MMP24: variants seen among roughly 807,000 people sequenced by gnomAD.
MMP24 encodes matrix metallopeptidase 24.
Under a neutral mutation model 62.8 loss-of-function variants are expected in MMP24, and 25 were observed. That is an observed-to-expected ratio of 0.40 (90% CI 0.29 to 0.56). MMP24 has a LOEUF of 0.56. MMP24 is among the 20% of genes least tolerant of loss of function. MMP24 has a pLI of 0.50. For synonymous variants in MMP24, 319 were observed against 350.5 expected (o/e 0.91, Z 1.00); for missense variants, 634 against 853.6 (o/e 0.74, Z 3.21).
chr20:35,230,201 G>T (rs2060431859), intron 1 of MMP24, among the ~76,000 whole-genome samples: 1 of 152,050 alleles, frequency 6.6e-6, no homozygotes, highest in African/African-American at 2.4e-5. Flanking sequence ...TATTGGCCAG[G>T]CTGGTCTCAA....
At chr20:35,251,817 G>A (rs920629658) in intron 2 of MMP24, 88 bp from the exon 3 acceptor site, 40 of 1,075,048 alleles carry the variant, frequency 3.7e-5, no homozygotes, top group African/African-American at 6.2e-5. Context: ...TTGCTTTCCA[G>A]ACTGGAGCTG....
rs1351442202 is a variant in MMP24, at chr20:35,269,030, A to G, written c.1195-730A>G. On this transcript the variant is annotated intron_variant, in intron 6 of 8. Transcript: ENST00000246186. The surrounding 1 kb of genome is among the most constrained non-coding windows in gnomAD (Gnocchi z 4.6). ...TGACAGAGCGAGACTCCATCTAAAA[A>G]AAAAAAAAAAGAAAGAAAACTGAGG... Among the ~76,000 whole-genome samples, 1 of 147,496 alleles carries G rather than the reference A, an allele frequency of 6.8e-6. No homozygotes were observed. The highest frequency in any genetic ancestry group is 1.5e-5 in the Non-Finnish European group (1 of 66,662).
chr20:35,236,294 A>G (rs1394488814), intron 1 of MMP24: 1 of 152,204 alleles, frequency 6.6e-6, no homozygotes, highest in East Asian at 1.9e-4. Context: ...GCTTGCCTCC[A>G]TGTCTGGCTT....
Position 35,271,618 on chromosome 20 carries a change from C to G in MMP24, c.1383C>G (p.Pro461=). 7.4e-6 allele frequency: 12 copies of G among 1,612,468 alleles called. No individual in the cohort carries two copies. Among genetic ancestry groups the G allele is most frequent in the Non-Finnish European group, 1.0e-5 (12 of 1,179,348 alleles). Residue 461 remains proline (P), a synonymous_variant, in exon 8 of 9, where the codon CCC becomes CCG. Coordinates refer to ENST00000246186, the MANE Select transcript of MMP24 (RefSeq NM_006690.4). This position sits in a 1 kb window ranked among gnomAD's most constrained non-coding sequence, Gnocchi z 4.0. The stretch of plus-strand genomic sequence containing the variant: ...AGGTGACGGTGGAGCCTGGGTACCC[C>G]CACAGCCTGGGGGAGCTGGGCAGCT... ...FKEVTVEPGY[P]HSLGELGSCL...
At chr20:35,263,172 CAG>C (rs1211825966) in intron 4 of MMP24, 1 of 152,238 alleles carries the variant, frequency 6.6e-6, no homozygotes, top group Non-Finnish European at 1.5e-5. Context: ...CAACTGCAGC[CAG>C]AGTGATTTAA....
intron 4 of MMP24, among the ~76,000 whole-genome samples, chr20:35,257,213 C>T (rs2060579386): frequency 6.6e-6 from 1 of 152,206 alleles, no homozygotes; most frequent in South Asian, 2.1e-4. Context: ...TTGGCCAAGG[C>T]TCAGCCTAGG....
At chr20:35,265,187 C>T (rs1384758388) in intron 5 of MMP24, among the ~76,000 whole-genome samples, 1 of 152,190 alleles carries the variant, frequency 6.6e-6, no homozygotes, top group Non-Finnish European at 1.5e-5. Context: ...GTCTGCAGCT[C>T]AAAATTCTAG....
chr20:35,245,860 C>CCTCA (rs1340374560), intron 1 of MMP24, among the ~76,000 whole-genome samples: 2 of 151,398 alleles, frequency 1.3e-5, no homozygotes, highest in Non-Finnish European at 2.9e-5. Context: ...CTTATGTCAG[C>CCTCA]CTCAGTCCTT....
chr20:35,244,821 C>CT (rs1468825223), intron 1 of MMP24, among the ~76,000 whole-genome samples: 1 of 151,494 alleles, frequency 6.6e-6, no homozygotes, highest in Non-Finnish European at 1.5e-5. Flanking sequence ...ATTCTCTTGC[C>CT]TTTTTAATGT....
chr20:35,246,359 C>T (rs1036413921), intron 1 of MMP24, among the ~76,000 whole-genome samples: 7 of 151,912 alleles, frequency 4.6e-5, no homozygotes, highest in Non-Finnish European at 7.4e-5. Context: ...TGCCTGTAAT[C>T]CCAGCTATTC....
chr20:35,227,308 C>T (rs2060418654), intron 1 of MMP24, among the ~76,000 whole-genome samples: 1 of 151,716 alleles, frequency 6.6e-6, no homozygotes, highest in African/African-American at 2.4e-5. Context: ...CCGTACAACG[C>T]CTCGGAGTAA....
chr20:35,266,984 G>C (rs1371922590), intron 5 of MMP24, among the ~76,000 whole-genome samples: 1 of 152,088 alleles, frequency 6.6e-6, no homozygotes, highest in Non-Finnish European at 1.5e-5. Context: ...ACAGGAGAGA[G>C]AAAAGAGAAG....
At chr20:35,264,224 C>T in intron 5 of MMP24, 1 of 271,690 alleles carries the variant, frequency 3.7e-6, no homozygotes, top group South Asian at 8.0e-5. Context: ...CTCCTTTACC[C>T]CTCCCCTTCC....
intron 1 of MMP24, among the ~76,000 whole-genome samples, chr20:35,246,304 A>AG (rs2146210817): frequency 6.6e-6 from 1 of 151,844 alleles, no homozygotes; most frequent in Non-Finnish European, 1.5e-5. Context: ...AAAAAAAAAA[A>AG]AAATACAAAA....
At chr20:35,247,021 C>G in intron 2 of MMP24, 33 bp downstream of exon 2, 1 of 1,611,712 alleles carries the variant, frequency 6.2e-7, no homozygotes, top group Non-Finnish European at 8.5e-7. Flanking sequence ...TGCCTTTGAA[C>G]TTTCTGGACT....
chr20:35,227,961 T>A (rs2060422075), intron 1 of MMP24, among the ~76,000 whole-genome samples: 2 of 152,094 alleles, frequency 1.3e-5, no homozygotes, highest in African/African-American at 4.8e-5. Context: ...TCATGGGGGG[T>A]GCAGTTGGAC....
chr20:35,272,406 T>C (rs1265900849), intron 8 of MMP24, among the ~76,000 whole-genome samples: 1 of 152,114 alleles, frequency 6.6e-6, no homozygotes, highest in Non-Finnish European at 1.5e-5. Context: ...GCCTGGCTAA[T>C]TTACATTTTT....
At chr20:35,246,338 A>G (rs543252417) in intron 1 of MMP24, among the ~76,000 whole-genome samples, 1 of 151,984 alleles carries the variant, frequency 6.6e-6, no homozygotes, top group South Asian at 2.1e-4. Context: ...TTAGCTAGGC[A>G]TGGTGGCGTG....
In MMP24 at chr20:35,261,641, A is replaced by G. The variant is rs543510199; in HGVS notation, c.818-2150A>G. Among the ~76,000 whole-genome samples, 6 of 152,178 alleles carry G rather than the reference A, an allele frequency of 3.9e-5. No homozygotes were observed. The East Asian group carries it at 1.2e-3, about 30-fold the overall frequency. ...ACACTTGAATCCCTGCCTCAATCTT[A>G]GCCAACAGTTCCCTGCTTCCACAAC... is the stretch of plus-strand genomic sequence containing the variant. On this transcript the variant is annotated intron_variant, in intron 4 of 8. Coordinates refer to ENST00000246186, the MANE Select transcript of MMP24 (RefSeq NM_006690.4).
Sources: allele counts gnomAD v4.1 joint callset (sites outside exome capture counted in the v4.1 genomes callset), GRCh38; gene constraint gnomAD v4.1.1; non-coding constraint Gnocchi (gnomAD v3.1); transcripts MANE v1.5; gene names NCBI Gene and HGNC (gene_info 2026-07-23, HGNC 2026-07-21).